Variants in PCDHGA1 observed in about 807,000 individuals in gnomAD.
The protein encoded by PCDHGA1 is protocadherin gamma-A1.
In PCDHGA1, 32 loss-of-function variants were observed where a neutral mutation model predicts 58.0. The ratio of observed to expected loss-of-function variants is 0.55; its 90% CI spans 0.42 to 0.74. The LOEUF is 0.74. PCDHGA1 is among the 30% of genes least tolerant of loss of function. The pLI, the probability that PCDHGA1 is intolerant of heterozygous loss-of-function variation, is 0.00. For synonymous variants in PCDHGA1, 498 were observed against 501.1 expected, an observed-to-expected ratio of 0.99 and a Z score of 0.08; for missense variants, 1,205 against 1,182.3, an observed-to-expected ratio of 1.02 and a Z score of -0.28.
chr5:141,366,198 C>T (rs187196267), intron 1 of PCDHGA1: 35 of 1,613,892 alleles, frequency 2.2e-5, no homozygotes, highest in African/African-American at 2.7e-5. Flanking sequence ...GGGCTGCACA[C>T]GGGCGAGGTG....
intron 1 of PCDHGA1, chr5:141,384,783 G>C (rs768506502): frequency 1.4e-5 from 22 of 1,613,560 alleles, no homozygotes; most frequent in East Asian, 2.2e-5. Context: ...AGGTGCGCAC[G>C]GCTCGGGCCC....
intron 1 of PCDHGA1, chr5:141,362,522 C>T (rs780916680): frequency 3.7e-6 from 6 of 1,614,018 alleles, no homozygotes; most frequent in Non-Finnish European, 5.1e-6. Flanking sequence ...CATGGAGCCG[C>T]TGGGGTCCCT....
rs756079907 is a variant in PCDHGA1, at chr5:141,346,289, C to G, written c.2421+13184C>G. ...ACGGGGTTCGGGCTTTCCTGCAGAC[C>G]TATTCCCACGAGGTCTCCCTCACTG... On this transcript the variant is annotated intron_variant, in intron 1 of 3. Transcript: ENST00000517417. The G allele has an allele frequency of 1.2e-5, 20 of 1,614,104 alleles. 2 individuals are homozygous for G. The South Asian group carries it at 2.0e-4, about 16-fold the overall frequency.
intron 1 of PCDHGA1, chr5:141,350,393 G>C (rs551145874): frequency 3.1e-6 from 5 of 1,599,084 alleles, no homozygotes; most frequent in Middle Eastern, 1.7e-4. Flanking sequence ...CGGCTCACGG[G>C]TGGGGAAACT....
At chr5:141,383,607 T>C in intron 1 of PCDHGA1, 1 of 1,613,780 alleles carries the variant, frequency 6.2e-7, no homozygotes, top group South Asian at 1.1e-5. Flanking sequence ...TGGATGTGAA[T>C]GACCACACGC....
chr5:141,354,069 C>A (rs1759464021), intron 1 of PCDHGA1, among the ~76,000 whole-genome samples: 1 of 152,146 alleles, frequency 6.6e-6, no homozygotes, highest in South Asian at 2.1e-4. Context: ...TGTTCGGCTA[C>A]CAAAACATTT....
chr5:141,371,532 G>A lies in PCDHGA1; in HGVS notation c.2421+38427G>A. ...ACATGATCTAGATTCTGGATTTAAT[G>A]GAGAAATCCTATGCCAACTAAAAGG... On this transcript the variant is annotated intron_variant, in intron 1 of 3. Transcript: ENST00000517417. The A allele has an allele frequency of 6.2e-7, 1 of 1,613,660 alleles. No individual in the cohort carries two copies. Among genetic ancestry groups the A allele is most frequent in the Non-Finnish European group, 8.5e-7 (1 of 1,179,684 alleles).
chr5:141,339,415 A>G (rs1389613080), intron 1 of PCDHGA1: 1 of 1,614,262 alleles, frequency 6.2e-7, no homozygotes, highest in Non-Finnish European at 8.5e-7. Context: ...CCACTACGCC[A>G]GGATTCCGGA....
In PCDHGA1 at chr5:141,421,687, G is replaced by C. The variant is rs763146085; in HGVS notation, c.2422-73120G>C. On this transcript the variant is annotated intron_variant, in intron 1 of 3. Coordinates refer to ENST00000517417, the MANE Select transcript of PCDHGA1 (RefSeq NM_018912.3). ...GCACGCAATTCCTGGGGCGCGATTT[G>C]CTCTTCCTAATGCTAGGGATCCAGA... 1.3e-5 allele frequency: 21 copies of C among 1,613,788 alleles called. No individual in the cohort carries two copies. Among genetic ancestry groups the C allele is most frequent in the Non-Finnish European group, 1.8e-5 (21 of 1,179,860 alleles).
At position 141,374,819 on chromosome 5, in the gene PCDHGA1, G is replaced by A. The variant is rs1489932950; in HGVS notation, c.2421+41714G>A. On this transcript the variant is annotated intron_variant, in intron 1 of 3. Transcript: ENST00000517417. ...CAACACTCCAATGTTTACTCAGCCT[G>A]TCTACCGTGTAAGTGTTCCTGAAAA... 2 of 1,613,812 alleles carry A rather than the reference G, an allele frequency of 1.2e-6. 1 individual carries two copies. Among genetic ancestry groups the A allele is most frequent in the East Asian group, 4.5e-5 (2 of 44,894 alleles).
At chr5:141,428,290 C>A in intron 1 of PCDHGA1, 1 of 726,802 alleles carries the variant, frequency 1.4e-6, no homozygotes, top group Non-Finnish European at 2.4e-6. Context: ...CCAAGCAAAG[C>A]TGCAGATTTA....
At chr5:141,371,827 A>T in intron 1 of PCDHGA1, 1 of 1,613,784 alleles carries the variant, frequency 6.2e-7, no homozygotes, top group Non-Finnish European at 8.5e-7. Flanking sequence ...AGAGCCTCGG[A>T]TCCCGACTTG....
At chr5:141,378,078 T>C (rs1215089288) in intron 1 of PCDHGA1, 1 of 152,178 alleles carries the variant, frequency 6.6e-6, no homozygotes, top group South Asian at 2.1e-4. Context: ...GAAAATAATT[T>C]TATAACTTTT....
chr5:141,445,889 C>A (rs920382027), intron 1 of PCDHGA1, among the ~76,000 whole-genome samples: 6 of 152,110 alleles, frequency 3.9e-5, no homozygotes, highest in African/African-American at 1.4e-4. Context: ...TACTTAGGAG[C>A]TATTAAAATA....
At chr5:141,388,971 CAT>C (rs1456846164) in intron 1 of PCDHGA1, 3 of 1,613,890 alleles carry the variant, frequency 1.9e-6, no homozygotes, top group Non-Finnish European at 2.5e-6. Context: ...GCTGGGAACA[CAT>C]ATTGCTTTGC....
At position 141,485,162 on chromosome 5, in the gene PCDHGA1, C is replaced by A. The variant is rs759021453; in HGVS notation, c.2422-9645C>A. The A allele has an allele frequency of 8.7e-6, 14 of 1,602,188 alleles. No individual in the cohort carries two copies. The Admixed American group carries it at 2.0e-4, about 23-fold the overall frequency. ...GTCTCAGGAGCAAGTAGAGAATTAGCGGGCGGCAGCAATGCTCCGCAAGGT... is the reference window on the plus strand; with the variant it reads ...GTCTCAGGAGCAAGTAGAGAATTAGAGGGCGGCAGCAATGCTCCGCAAGGT... On this transcript the variant is annotated intron_variant, in intron 1 of 3. Transcript: ENST00000517417. The surrounding 1 kb of genome is among the most constrained non-coding windows in gnomAD (Gnocchi z 5.7).
intron 1 of PCDHGA1, among the ~76,000 whole-genome samples, chr5:141,469,803 A>G (rs1326367314): frequency 6.6e-6 from 1 of 152,174 alleles, no homozygotes; most frequent in Non-Finnish European, 1.5e-5. Context: ...TTGCAAAAAC[A>G]TTGTAGATAG....
At chr5:141,366,178 C>G (rs778986920) in intron 1 of PCDHGA1, 1 of 1,614,044 alleles carries the variant, frequency 6.2e-7, no homozygotes, top group Non-Finnish European at 8.5e-7. Context: ...AGCCAGGACT[C>G]TTTGCGGTTG....
chr5:141,478,142 G>T (rs774271595), intron 1 of PCDHGA1: 8 of 1,613,988 alleles, frequency 5.0e-6, no homozygotes, highest in Non-Finnish European at 6.8e-6. Flanking sequence ...AGCCCGAGCC[G>T]AGTTCCCCTC....
Sources: allele counts gnomAD v4.1 joint callset (sites outside exome capture counted in the v4.1 genomes callset), GRCh38; gene constraint gnomAD v4.1.1; non-coding constraint Gnocchi (gnomAD v3.1); transcripts MANE v1.5; gene names NCBI Gene and HGNC (gene_info 2026-07-23, HGNC 2026-07-21).